MYH9: variants seen among roughly 807,000 people sequenced by gnomAD.
The protein encoded by MYH9 is myosin-9.
In MYH9, 29 loss-of-function variants were observed where a neutral mutation model predicts 241.9. The observed-to-expected ratio is 0.12, with a 90% CI of 0.09 to 0.16. The LOEUF is 0.16. Ranked by LOEUF, MYH9 falls within the 10% of genes least tolerant of loss-of-function variation. The probability of loss-of-function intolerance (pLI) is 1.00; values close to 1 mark genes in which losing one functional copy is unlikely to be tolerated. For missense variants in MYH9, 1,803 were observed against 2,595.5 expected, an observed-to-expected ratio of 0.69 and a Z score of 6.63; for synonymous variants, 1,047 against 1,062.6, an observed-to-expected ratio of 0.99 and a Z score of 0.29.
intron 1 of MYH9, among the ~76,000 whole-genome samples, chr22:36,376,845 C>G (rs7290672): frequency 0.055 from 8,387 of 152,176 alleles, 611 homozygotes; most frequent in African/African-American, 0.15. Context: ...AGGTGATCAC[C>G]TGAGGTCTAG....
Position 36,293,217 on chromosome 22 carries a change from G to C in MYH9, c.4095+112C>G. ...GAGCACGGTTGGCTTCCCAGGGGGA[G>C]AGCAGCAATGGGCCGGCCCAGCGGG... On this transcript the variant is annotated intron_variant, in intron 30 of 40. Transcript: ENST00000216181. The surrounding 1 kb of genome is among the most constrained non-coding windows in gnomAD (Gnocchi z 5.1). The C allele has an allele frequency of 4.9e-6, 7 of 1,414,562 alleles. No individual in the cohort carries two copies. In the South Asian group the frequency reaches 6.0e-5, roughly 12 times the overall value. 87.6% of individuals were successfully genotyped at this position (1,414,562 alleles called of 1,614,324 possible). A position where few individuals can be genotyped will look rare whatever the true frequency, so the allele number is the denominator to read the frequency against.
At chr22:36,348,720 A>G (rs901632542) in intron 2 of MYH9, among the ~76,000 whole-genome samples, 184 bp downstream of exon 2, 8 of 152,140 alleles carry the variant, frequency 5.3e-5, no homozygotes, top group Non-Finnish European at 1.2e-4. Context: ...ATAATGCTAT[A>G]AGAACATCCC....
At position 36,320,187 on chromosome 22, in the gene MYH9, C is replaced by G; in HGVS notation, c.1012+33G>C. On this transcript the variant is annotated intron_variant, in intron 9 of 40. Coordinates refer to ENST00000216181, the MANE Select transcript of MYH9 (RefSeq NM_002473.6). This position sits in a 1 kb window ranked among gnomAD's most constrained non-coding sequence, Gnocchi z 4.8. ...CCGTGGGTACCAGCCTTCCTCTGCCCCACACTCGACCATAGGAGGGCCAGC... is the reference window on the plus strand; with the variant it reads ...CCGTGGGTACCAGCCTTCCTCTGCCGCACACTCGACCATAGGAGGGCCAGC... 6.2e-7 allele frequency: 1 copy of G among 1,613,820 alleles called. No homozygotes were observed. Among genetic ancestry groups the G allele is most frequent in the Non-Finnish European group, 8.5e-7 (1 of 1,179,992 alleles).
At chr22:36,302,811 G>T in intron 19 of MYH9, 135 bp from the exon 20 acceptor site, 2 of 726,766 alleles carry the variant, frequency 2.8e-6, no homozygotes, top group Non-Finnish European at 4.8e-6. Flanking sequence ...CAGGGAAGGG[G>T]TCTGGCCTTG....
intron 9 of MYH9, 106 bp from the exon 10 acceptor site, chr22:36,319,741 G>A: frequency 2.6e-6 from 3 of 1,140,390 alleles, no homozygotes; most frequent in Non-Finnish European, 2.6e-6. Flanking sequence ...AGCCAAGCAG[G>A]GACACCCCCC....
chr22:36,355,964 G>C (rs1285893945), intron 1 of MYH9, among the ~76,000 whole-genome samples: 1 of 152,230 alleles, frequency 6.6e-6, no homozygotes, highest in Non-Finnish European at 1.5e-5. Flanking sequence ...GGTGCTAAAA[G>C]TAAGAAAGAA....
chr22:36,371,726 G>A (rs891226041), intron 1 of MYH9, among the ~76,000 whole-genome samples: 4 of 151,870 alleles, frequency 2.6e-5, no homozygotes, highest in African/African-American at 7.3e-5. Flanking sequence ...TAGTAGAGAC[G>A]GTTTCACCAT....
At chr22:36,310,120 C>T (rs752134992) in intron 14 of MYH9, among the ~76,000 whole-genome samples, 16 of 152,008 alleles carry the variant, frequency 1.1e-4, no homozygotes, top group African/African-American at 2.2e-4. Context: ...CGTGGTGGCA[C>T]GTGCCTGTAA....
chr22:36,377,603 T>C (rs1285576101), intron 1 of MYH9, among the ~76,000 whole-genome samples: 1 of 152,094 alleles, frequency 6.6e-6, no homozygotes, highest in Non-Finnish European at 1.5e-5. Flanking sequence ...GTTGGATAAA[T>C]ACGAAATCTC....
rs2016542915 is a variant in MYH9, at chr22:36,284,323, G to A, written c.5593-58C>T. 1.1e-5 allele frequency: 17 copies of A among 1,604,370 alleles called. No homozygotes were observed. The South Asian group carries it at 1.9e-4, about 18-fold the overall frequency. On this transcript the variant is annotated intron_variant, in intron 39 of 40. Coordinates refer to ENST00000216181, the MANE Select transcript of MYH9 (RefSeq NM_002473.6). Reference sequence around the variant, plus strand: ...GTTAGGGGCTCTGGGCGTGCAGCCAGTCAGCCCCACTGCCCTGCCTGTCAC... The same window carrying A: ...GTTAGGGGCTCTGGGCGTGCAGCCAATCAGCCCCACTGCCCTGCCTGTCAC...
At chr22:36,365,841 T>C (rs1312538635) in intron 1 of MYH9, among the ~76,000 whole-genome samples, 1 of 152,180 alleles carries the variant, frequency 6.6e-6, no homozygotes, top group African/African-American at 2.4e-5. Context: ...GACATACACA[T>C]GCTATTCACT....
At chr22:36,353,105 G>GTA (rs1339926617) in intron 1 of MYH9, among the ~76,000 whole-genome samples, 1 of 49,884 alleles carries the variant, frequency 2.0e-5, no homozygotes, top group Non-Finnish European at 3.2e-5. Flanking sequence ...CTGGGGGCGT[G>GTA]TGTGTGTGTG....
rs1304893127 is a variant in MYH9, at chr22:36,303,975, G to A, written c.2390+20C>T. The A allele has an allele frequency of 5.6e-6, 9 of 1,613,024 alleles. No homozygotes were observed. The highest frequency in any genetic ancestry group is 3.3e-5 in the Admixed American group (2 of 59,996). Reference sequence around the variant, plus strand: ...TGGCAAGGCCTGGCATGCGGGGCAGGAGTATCTCCCGGGACTCACTTCCTG... The same window carrying A: ...TGGCAAGGCCTGGCATGCGGGGCAGAAGTATCTCCCGGGACTCACTTCCTG... On this transcript the variant is annotated intron_variant, in intron 19 of 40. Coordinates refer to ENST00000216181, the MANE Select transcript of MYH9 (RefSeq NM_002473.6).
chr22:36,299,660 TCTC>T (rs1183921255), intron 23 of MYH9, among the ~76,000 whole-genome samples: 1 of 152,078 alleles, frequency 6.6e-6, no homozygotes, highest in Non-Finnish European at 1.5e-5. Context: ...TCTCCTGCCT[TCTC>T]CTCTAACTGG....
At chr22:36,315,433 T>C (rs8135189) in intron 12 of MYH9, among the ~76,000 whole-genome samples, 81,009 of 151,912 alleles carry the variant, frequency 0.53, 24,058 homozygotes, top group Non-Finnish European at 0.68. Flanking sequence ...ACCTCAAAGT[T>C]GTCATGGGCA....
At chr22:36,332,017 A>G (rs1287649323) in intron 3 of MYH9, among the ~76,000 whole-genome samples, 1 of 152,174 alleles carries the variant, frequency 6.6e-6, no homozygotes, top group Non-Finnish European at 1.5e-5. Context: ...ATGTGTTGGC[A>G]CTGTGAGCCC....
chr22:36,332,592 G>A (rs2017439268), intron 3 of MYH9, among the ~76,000 whole-genome samples: 1 of 135,954 alleles, frequency 7.4e-6, no homozygotes, highest in African/African-American at 2.8e-5. Context: ...TGAACCTGCT[G>A]AGACCCAAGT....
At position 36,386,457 on chromosome 22, in the gene MYH9, T is replaced by G. The variant is rs1212510453; in HGVS notation, c.-20+1350A>C. On this transcript the variant is annotated intron_variant, in intron 1 of 40. Coordinates refer to ENST00000216181, the MANE Select transcript of MYH9 (RefSeq NM_002473.6). ...CTAAGCCATCAGGTGAGCCAAACAC[T>G]GGCCCAGACAGTGTAGTTAGAATGG... is the stretch of plus-strand genomic sequence containing the variant. Among the ~76,000 whole-genome samples, 6 of 152,208 alleles carry G rather than the reference T, an allele frequency of 3.9e-5. No individual in the cohort carries two copies. In the East Asian group the frequency reaches 1.2e-3, roughly 29 times the overall value.
At chr22:36,324,670 T>C (rs1369018334) in intron 5 of MYH9, among the ~76,000 whole-genome samples, 1 of 152,262 alleles carries the variant, frequency 6.6e-6, no homozygotes, top group African/African-American at 2.4e-5. Flanking sequence ...TCCGGCAGCC[T>C]GTGGAAAATC....
Sources: gnomAD v4.1 joint callset for allele counts (sites outside exome capture counted in the v4.1 genomes callset) on GRCh38, gnomAD v4.1.1 for gene constraint, Gnocchi (gnomAD v3.1) non-coding constraint, MANE v1.5 for transcripts, NCBI Gene and HGNC (gene_info 2026-07-23, HGNC 2026-07-21) for gene names.